The following GPR149 variants were observed in gnomAD, a reference collection of about 807,000 sequenced individuals.
The protein encoded by GPR149 is G protein-coupled receptor 149.
GPR149 carries 50 observed loss-of-function variants against 50.2 expected under a neutral mutation model. The observed-to-expected ratio is 1.00, with a 90% CI of 0.79 to 1.26. The LOEUF (loss-of-function observed/expected upper bound fraction) is 1.26. Among genes scored for constraint, GPR149 ranks in the 50% most tolerant of loss-of-function variants. The probability of loss-of-function intolerance (pLI) is 0.00; values close to 1 mark genes in which losing one functional copy is unlikely to be tolerated. For synonymous variants in GPR149, 405 were observed against 358.2 expected, an observed-to-expected ratio of 1.13 and a Z score of -1.48; for missense variants, 983 against 895.4, an observed-to-expected ratio of 1.10 and a Z score of -1.25.
intron 3 of GPR149, among the ~76,000 whole-genome samples, chr3:154,350,046 A>G (rs1010013886): frequency 6.6e-6 from 1 of 152,088 alleles, no homozygotes; most frequent in Non-Finnish European, 1.5e-5. Flanking sequence ...AAATAAAAAA[A>G]TTTAGCTAGG....
intron 3 of GPR149, among the ~76,000 whole-genome samples, chr3:154,367,310 CCT>C (rs1313647438): frequency 6.7e-6 from 1 of 149,398 alleles, no homozygotes; most frequent in African/African-American, 2.5e-5. Flanking sequence ...TGTAAGCTTC[CCT>C]GTGTCCTCTC....
intron 3 of GPR149, among the ~76,000 whole-genome samples, chr3:154,365,968 G>A (rs989735598): frequency 2.0e-5 from 3 of 152,048 alleles, no homozygotes; most frequent in African/African-American, 7.2e-5. Context: ...TTTCTAGCAC[G>A]CACTTTAAAA....
chr3:154,338,343 G>A, intron 3 of GPR149, 72 bp from the exon 4 acceptor site: 2 of 1,207,884 alleles, frequency 1.7e-6, no homozygotes, highest in Non-Finnish European at 2.3e-6. Flanking sequence ...AATTCATTTT[G>A]TTCATCAGAA....
At chr3:154,414,378 C>T (rs1477830421) in intron 3 of GPR149, among the ~76,000 whole-genome samples, 1 of 151,910 alleles carries the variant, frequency 6.6e-6, no homozygotes, top group Non-Finnish European at 1.5e-5. Flanking sequence ...ATGTTTATCA[C>T]CACATTATTC....
chr3:154,388,040 C>A (rs1293422287), intron 3 of GPR149, among the ~76,000 whole-genome samples: 7 of 151,982 alleles, frequency 4.6e-5, no homozygotes, highest in African/African-American at 1.7e-4. Flanking sequence ...AAGAAATAAT[C>A]ATTTTTGCCT....
intron 1 of GPR149, among the ~76,000 whole-genome samples, chr3:154,428,202 C>A (rs1712364626): frequency 6.6e-6 from 1 of 152,330 alleles, no homozygotes; most frequent in Non-Finnish European, 1.5e-5. Flanking sequence ...TCCCCTCTAT[C>A]CCGCCCTGCT....
chr3:154,375,382 G>A (rs933144365), intron 3 of GPR149, among the ~76,000 whole-genome samples: 3 of 151,988 alleles, frequency 2.0e-5, no homozygotes, highest in Non-Finnish European at 2.9e-5. Context: ...CTATCACAGG[G>A]CATTTTTGTT....
At chr3:154,362,477 C>T (rs1714434181) in intron 3 of GPR149, among the ~76,000 whole-genome samples, 1 of 152,044 alleles carries the variant, frequency 6.6e-6, no homozygotes, top group African/African-American at 2.4e-5. Flanking sequence ...TTAGCTGAAA[C>T]ACTTAAAAAC....
At chr3:154,344,765 C>A (rs567132336) in intron 3 of GPR149, among the ~76,000 whole-genome samples, 155 of 152,270 alleles carry the variant, frequency 1.0e-3, no homozygotes, top group African/African-American at 3.5e-3. Flanking sequence ...AGAAAGGATC[C>A]TCCCCAAGAG....
At chr3:154,344,292 CCA>C (rs1713872892) in intron 3 of GPR149, among the ~76,000 whole-genome samples, 2 of 152,016 alleles carry the variant, frequency 1.3e-5, no homozygotes, top group African/African-American at 4.8e-5. Flanking sequence ...GAGTCACAAA[CCA>C]CAGTGTAGCC....
At chr3:154,382,937 T>C (rs1515650) in intron 3 of GPR149, among the ~76,000 whole-genome samples, 15,540 of 152,254 alleles carry the variant, frequency 0.1, 887 homozygotes, top group East Asian at 0.22. Flanking sequence ...CTGTTTTCAA[T>C]GCGGACTGAA....
At chr3:154,338,299 T>A in intron 3 of GPR149, 28 bp from the exon 4 acceptor site, 1 of 1,492,996 alleles carries the variant, frequency 6.7e-7, no homozygotes, top group East Asian at 2.3e-5. Flanking sequence ...ATTGTTATTG[T>A]TGAAAGCTAG....
At chr3:154,378,617 T>C (rs1714849834) in intron 3 of GPR149, among the ~76,000 whole-genome samples, 1 of 152,198 alleles carries the variant, frequency 6.6e-6, no homozygotes, top group Non-Finnish European at 1.5e-5. Flanking sequence ...TCCAATTAAT[T>C]TGTACAACTT....
chr3:154,365,375 T>C (rs1714505407), intron 3 of GPR149, among the ~76,000 whole-genome samples: 1 of 152,152 alleles, frequency 6.6e-6, no homozygotes, highest in South Asian at 2.1e-4. Flanking sequence ...CAAAATGCCT[T>C]CAGAGTTATT....
At chr3:154,397,887 T>C (rs1324497432) in intron 3 of GPR149, among the ~76,000 whole-genome samples, 1 of 152,186 alleles carries the variant, frequency 6.6e-6, no homozygotes, top group Non-Finnish European at 1.5e-5. Flanking sequence ...TTAACCAACA[T>C]TTATATTGTC....
At chr3:154,356,083 A>C (rs1714217294) in intron 3 of GPR149, among the ~76,000 whole-genome samples, 1 of 152,190 alleles carries the variant, frequency 6.6e-6, no homozygotes. Flanking sequence ...GTAAATGAGC[A>C]CTTGGGACCT....
In GPR149 at chr3:154,378,085, C is replaced by T. The variant is rs866766640; in HGVS notation, c.1624-39814G>A. Reference sequence around the variant, plus strand: ...TCTCATTATATTGATATATCCCCCCCCCCTTTTTTTTTTTTTGAGATGGAG... The same window carrying T: ...TCTCATTATATTGATATATCCCCCCTCCCTTTTTTTTTTTTTGAGATGGAG... On this transcript the variant is annotated intron_variant, in intron 3 of 3. Transcript: ENST00000389740. Among the ~76,000 whole-genome samples, 8 of 71,816 alleles carry T rather than the reference C, an allele frequency of 1.1e-4. No individual in the cohort carries two copies. The Admixed American group carries it at 1.2e-3, about 10-fold the overall frequency. 47.1% of individuals were successfully genotyped at this position (71,816 alleles called of 152,430 possible). A position where few individuals can be genotyped will look rare whatever the true frequency, so the allele number is the denominator to read the frequency against.
chr3:154,416,928 C>T (rs1468208451), intron 3 of GPR149, among the ~76,000 whole-genome samples: 12 of 151,794 alleles, frequency 7.9e-5, no homozygotes, highest in African/African-American at 4.8e-5. Flanking sequence ...GTTTTTGATT[C>T]ACAAAAATAA....
At chr3:154,426,391 G>T (rs780514384) in intron 2 of GPR149, among the ~76,000 whole-genome samples, 2 of 152,158 alleles carry the variant, frequency 1.3e-5, no homozygotes, top group South Asian at 2.1e-4. Flanking sequence ...ATTGATGGCA[G>T]AGTATACTTT....
Sources: gnomAD v4.1 joint callset for allele counts (sites outside exome capture counted in the v4.1 genomes callset) on GRCh38, gnomAD v4.1.1 for gene constraint, MANE v1.5 for transcripts, NCBI Gene and HGNC (gene_info 2026-07-23, HGNC 2026-07-21) for gene names.